Variants in FOXJ3 observed in about 807,000 individuals in gnomAD.
The protein encoded by FOXJ3 is forkhead box J3, also known as forkhead box protein J3.
FOXJ3 carries 22 observed loss-of-function variants against 76.1 expected under a neutral mutation model. The observed-to-expected ratio is 0.29, with a 90% CI of 0.21 to 0.41. The LOEUF (loss-of-function observed/expected upper bound fraction) is 0.41. FOXJ3 is among the 10% of genes least tolerant of loss of function. FOXJ3 has a pLI of 1.00. For synonymous variants in FOXJ3, 269 were observed against 261.2 expected, an observed-to-expected ratio of 1.03 and a Z score of -0.29; for missense variants, 613 against 762.1, an observed-to-expected ratio of 0.80 and a Z score of 2.30.
At chr1:42,241,165 C>A (rs1281672132) in intron 4 of FOXJ3, among the ~76,000 whole-genome samples, 1 of 152,162 alleles carries the variant, frequency 6.6e-6, no homozygotes, top group Non-Finnish European at 1.5e-5. Context: ...ACCCTAACCA[C>A]AGAAGAATCC....
intron 4 of FOXJ3, among the ~76,000 whole-genome samples, chr1:42,230,800 T>C (rs756699675): frequency 1.3e-5 from 2 of 151,986 alleles, no homozygotes; most frequent in Non-Finnish European, 2.9e-5. Flanking sequence ...TGGCAATTCC[T>C]AAAAAAATTA....
At chr1:42,212,712 A>G (rs544077654) in intron 5 of FOXJ3, among the ~76,000 whole-genome samples, 1 of 152,240 alleles carries the variant, frequency 6.6e-6, no homozygotes, top group South Asian at 2.1e-4. Context: ...AAGAAGCTCA[A>G]AGAACTTCTG....
rs78020096 is a variant in FOXJ3 at position 42,285,101 on chromosome 1, G to C, written c.45-6429C>G. ...TTATTTTCAATCTTTTGTATTTTATGATTTTTTTCCTTCAATTTTTATTAT... is the reference window on the plus strand; with the variant it reads ...TTATTTTCAATCTTTTGTATTTTATCATTTTTTTCCTTCAATTTTTATTAT... On this transcript the variant is annotated intron_variant, in intron 2 of 12. Coordinates refer to ENST00000361346, the MANE Select transcript of FOXJ3 (RefSeq NM_014947.5). Among the ~76,000 whole-genome samples the C allele has an allele frequency of 3.3e-3, 509 of 152,126 alleles. 9 individuals are homozygous for C. The East Asian group carries it at 0.047, about 14-fold the overall frequency.
intron 2 of FOXJ3, among the ~76,000 whole-genome samples, chr1:42,283,687 G>C (rs1321179630): frequency 6.6e-6 from 1 of 152,148 alleles, no homozygotes; most frequent in East Asian, 1.9e-4. Context: ...TAGAACTCAG[G>C]AGAAATTCTT....
chr1:42,316,270 G>A (rs1655099304), intron 1 of FOXJ3, among the ~76,000 whole-genome samples: 1 of 146,370 alleles, frequency 6.8e-6, no homozygotes, highest in Non-Finnish European at 1.5e-5. Context: ...CTGAGCTCAA[G>A]CAAACCTCTT....
At chr1:42,279,806 A>T (rs1652561861) in intron 2 of FOXJ3, among the ~76,000 whole-genome samples, 1 of 152,098 alleles carries the variant, frequency 6.6e-6, no homozygotes, top group Non-Finnish European at 1.5e-5. Context: ...AAGGACAACA[A>T]AATAAAAAAA....
At chr1:42,312,884 T>C (rs568683188) in intron 1 of FOXJ3, among the ~76,000 whole-genome samples, 3 of 152,262 alleles carry the variant, frequency 2.0e-5, no homozygotes, top group South Asian at 2.1e-4. Context: ...ACAGCAGCAA[T>C]GTTCAGTTCT....
At chr1:42,291,091 C>CAGAT (rs1553167269) in intron 2 of FOXJ3, among the ~76,000 whole-genome samples, 1 of 149,152 alleles carries the variant, frequency 6.7e-6, no homozygotes, top group African/African-American at 2.5e-5. Flanking sequence ...GATAGACAGA[C>CAGAT]AGACAGACAG....
At chr1:42,282,494 G>C (rs1226019401) in intron 2 of FOXJ3, among the ~76,000 whole-genome samples, 1 of 151,962 alleles carries the variant, frequency 6.6e-6, no homozygotes, top group African/African-American at 2.4e-5. Context: ...CCTCAGTTTG[G>C]CAACTGACAT....
chr1:42,256,798 G>A lies in FOXJ3; in HGVS notation c.444+8317C>T, dbSNP rs896021377. ...TTACTAGTAATTCTTTATTAATAGC[G>A]TAAAACTGAAAACACCTGAAGTGTT... On this transcript the variant is annotated intron_variant, in intron 4 of 12. Coordinates refer to ENST00000361346, the MANE Select transcript of FOXJ3 (RefSeq NM_014947.5). Among the ~76,000 whole-genome samples, 9 of 152,240 alleles carry A rather than the reference G, an allele frequency of 5.9e-5. No individual in the cohort carries two copies. In the East Asian group the frequency reaches 9.6e-4, roughly 16 times the overall value.
chr1:42,318,584 A>G (rs1655255589), intron 1 of FOXJ3, among the ~76,000 whole-genome samples: 1 of 152,168 alleles, frequency 6.6e-6, no homozygotes, highest in South Asian at 2.1e-4. Flanking sequence ...ACGTCAGGTG[A>G]TCCGCCCACC....
chr1:42,239,464 T>A (rs1311272571), intron 4 of FOXJ3, among the ~76,000 whole-genome samples: 1 of 152,312 alleles, frequency 6.6e-6, no homozygotes, highest in Non-Finnish European at 1.5e-5. Context: ...ATACCTGACA[T>A]GGTATGATTT....
chr1:42,314,173 C>T (rs917320646), intron 1 of FOXJ3, among the ~76,000 whole-genome samples: 1 of 152,174 alleles, frequency 6.6e-6, no homozygotes, highest in East Asian at 1.9e-4. Context: ...GGCCTCTTAG[C>T]CCATTCCTCT....
intron 1 of FOXJ3, among the ~76,000 whole-genome samples, 200 bp from the exon 2 acceptor site, chr1:42,311,310 G>A (rs1219615618): frequency 6.6e-6 from 1 of 152,150 alleles, no homozygotes; most frequent in Non-Finnish European, 1.5e-5. Context: ...ATTACACTCA[G>A]ACAGACAGAC....
At chr1:42,252,629 A>T (rs1650191117) in intron 4 of FOXJ3, among the ~76,000 whole-genome samples, 2 of 144,662 alleles carry the variant, frequency 1.4e-5, no homozygotes. Flanking sequence ...TATTTCCTTC[A>T]GTTCTGCTCT....
intron 2 of FOXJ3, among the ~76,000 whole-genome samples, chr1:42,294,949 A>C (rs1044240865): frequency 6.6e-6 from 1 of 152,340 alleles, no homozygotes; most frequent in African/African-American, 2.4e-5. Context: ...TCAAGAGAAT[A>C]AACTATCCTT....
At chr1:42,317,820 G>A (rs1655209792) in intron 1 of FOXJ3, among the ~76,000 whole-genome samples, 1 of 152,088 alleles carries the variant, frequency 6.6e-6, no homozygotes, top group Admixed American at 6.5e-5. Flanking sequence ...TAAGAATTCA[G>A]GAAAGGTAGA....
Position 42,291,074 on chromosome 1 carries a change from AT to A in FOXJ3, c.45-12403del, listed in dbSNP as rs1221700688. ...GATAGATAGATAGATAGATAGATAG[AT>A]AGATAGATAGACAGACAGACAGACA... is the stretch of plus-strand genomic sequence containing the variant. On this transcript the variant is annotated intron_variant, in intron 2 of 12. Transcript: ENST00000361346. 4.7e-4 allele frequency among the ~76,000 whole-genome samples: 70 copies of A among 150,068 alleles called. 1 individual carries two copies. The highest frequency in any genetic ancestry group is 4.0e-4 in the East Asian group (2 of 5,046).
intron 4 of FOXJ3, among the ~76,000 whole-genome samples, chr1:42,257,493 A>G (rs530832944): frequency 6.6e-6 from 1 of 152,176 alleles, no homozygotes; most frequent in Non-Finnish European, 1.5e-5. Context: ...ACGCGGGTGG[A>G]TAATTTGAGG....
Sources: gnomAD v4.1 joint callset for allele counts (sites outside exome capture counted in the v4.1 genomes callset) on GRCh38, gnomAD v4.1.1 for gene constraint, MANE v1.5 for transcripts, NCBI Gene and HGNC (gene_info 2026-07-23, HGNC 2026-07-21) for gene names.